The following ATR variants were observed in gnomAD, a reference collection of about 807,000 sequenced individuals.
The protein encoded by ATR is serine/threonine-protein kinase ATR.
ATR carries 142 observed loss-of-function variants against 305.3 expected under a neutral mutation model. The ratio of observed to expected loss-of-function variants is 0.47; its 90% confidence interval spans 0.41 to 0.53. The LOEUF (loss-of-function observed/expected upper bound fraction) is 0.53. Ranked by LOEUF, ATR falls within the 20% of genes least tolerant of loss-of-function variation. ATR has a pLI of 0.00. For missense variants in ATR, 2,135 were observed against 3,133.1 expected (o/e 0.68, Z 7.60); for synonymous variants, 1,050 against 1,068.1 (o/e 0.98, Z 0.33).
rs1317996314 is a variant in ATR at position 142,561,303 on chromosome 3, T to G, written c.1289A>C (p.Lys430Thr). 1.7e-5 allele frequency: 27 copies of G among 1,614,018 alleles called. No homozygotes were observed. Among genetic ancestry groups the G allele is most frequent in the Non-Finnish European group, 2.3e-5 (27 of 1,180,002 alleles). ...TAGAGACGAGCTGAGACGACGCCTT[T>G]TGGGTGATATTCCATCACTATTACT... ...LSSNSDGISPKRRRLSSSLNP... is the reference protein window; with the variant it reads ...LSSNSDGISPTRRRLSSSLNP... The change falls in exon 5 of 47, where the codon AAA (lysine) becomes ACA (threonine). Residue 430 changes from lysine (K) to threonine (T), a missense_variant. Transcript: ENST00000350721.
At chr3:142,538,336 A>G (rs907428914) in intron 19 of ATR, 146 bp downstream of exon 19, 24 of 830,786 alleles carry the variant, frequency 2.9e-5, no homozygotes, top group Non-Finnish European at 3.7e-5. Flanking sequence ...TCATTTCAAT[A>G]TGTAATTACA....
chr3:142,516,954 T>C (rs1465408968), intron 24 of ATR, among the ~76,000 whole-genome samples: 1 of 148,686 alleles, frequency 6.7e-6, no homozygotes, highest in African/African-American at 2.5e-5. Context: ...AAATAACAAA[T>C]GCCCTATACC....
Position 142,562,455 on chromosome 3 carries a change from A to T in ATR, c.947T>A (p.Val316Asp), listed in dbSNP as rs767624688. The change falls in exon 4 of 47, where the codon GTC (valine) becomes GAC (aspartate). Residue 316 changes from valine (V) to aspartate (D), a missense_variant. Coordinates refer to ENST00000350721, the MANE Select transcript of ATR (RefSeq NM_001184.4). ...TTTTTCCAGCAGCATATTTAAATAG[A>T]CAGGTTCAATATTTCTATAAGCTTC... The part of the protein sequence containing the change: ...EAEAYRNIEP[V>D]YLNMLLEKLC... 1 of 1,614,134 alleles carries T rather than the reference A, an allele frequency of 6.2e-7. No homozygotes were observed. The highest frequency in any genetic ancestry group is 1.7e-5 in the Admixed American group (1 of 60,032).
chr3:142,538,375 C>T (rs973837467), intron 19 of ATR, 107 bp downstream of exon 19: 3 of 1,245,528 alleles, frequency 2.4e-6, no homozygotes, highest in Non-Finnish European at 3.4e-6. Flanking sequence ...ATTGATAAAC[C>T]CTGAAATTCA....
chr3:142,519,818 AG>A, intron 23 of ATR, 34 bp from the exon 24 acceptor site: 1 of 1,425,318 alleles, frequency 7.0e-7, no homozygotes, highest in Non-Finnish European at 9.9e-7. Flanking sequence ...GTAAGTCCAC[AG>A]TGAAGCAGAT....
In ATR at chr3:142,472,819, TG is replaced by T; in HGVS notation, c.6222-2637del. 4.6e-5 allele frequency among the ~76,000 whole-genome samples: 7 copies of T among 152,062 alleles called. 1 individual carries two copies. In the South Asian group the frequency reaches 1.5e-3, roughly 32 times the overall value. Reference sequence around the variant, plus strand: ...CGCCCGAATAATTTTTGTATTTTTTTGTAGAGATGGGGGTTTCACCATGTTG... The same window carrying T: ...CGCCCGAATAATTTTTGTATTTTTTTTAGAGATGGGGGTTTCACCATGTTG... On this transcript the variant is annotated intron_variant, in intron 36 of 46. Coordinates refer to ENST00000350721, the MANE Select transcript of ATR (RefSeq NM_001184.4).
intron 15 of ATR, among the ~76,000 whole-genome samples, chr3:142,549,012 T>C (rs971891260): frequency 1.3e-5 from 2 of 152,094 alleles, no homozygotes; most frequent in African/African-American, 4.8e-5. Context: ...CTCAGAGATA[T>C]TTTGTTAATA....
At chr3:142,529,309 C>T (rs2033546007) in intron 21 of ATR, among the ~76,000 whole-genome samples, 1 of 151,912 alleles carries the variant, frequency 6.6e-6, no homozygotes, top group South Asian at 2.1e-4. Context: ...CTTTCTATAA[C>T]TAGTTTGCCG....
At chr3:142,500,715 T>C (rs2031913746) in intron 30 of ATR, among the ~76,000 whole-genome samples, 1 of 152,198 alleles carries the variant, frequency 6.6e-6, no homozygotes, top group Admixed American at 6.5e-5. Flanking sequence ...TTCCAATTTC[T>C]AAATTTATGA....
At position 142,556,456 on chromosome 3, in the gene ATR, C is replaced by T. The variant is rs2108472986; in HGVS notation, c.2005G>A (p.Ala669Thr). ...ATAAAAAATCCACTAACACAACTAG[C>T]CCGGATTACTTCATGGGAGCTCTGC... is the stretch of plus-strand genomic sequence containing the variant. The part of the protein sequence containing the change: ...ALQSSHEVIR[A>T]SCVSGFFILL... Residue 669 changes from alanine (A) to threonine (T), a missense_variant, in exon 9 of 47, where the codon GCT (alanine) becomes ACT (threonine). By Grantham distance (58) the Ala-to-Thr change is moderately conservative. Transcript: ENST00000350721. 6.2e-7 allele frequency: 1 copy of T among 1,614,086 alleles called. No homozygotes were observed. The highest frequency in any genetic ancestry group is 8.5e-7 in the Non-Finnish European group (1 of 1,179,986).
intron 16 of ATR, among the ~76,000 whole-genome samples, chr3:142,545,016 C>A (rs13067795): frequency 0.65 from 98,175 of 152,052 alleles, 32,988 homozygotes; most frequent in African/African-American, 0.85. Flanking sequence ...CACACAATCT[C>A]TGTCAACATT....
At chr3:142,513,759 A>G (rs113042785) in intron 25 of ATR, 121 bp from the exon 26 acceptor site, 2 of 1,122,030 alleles carry the variant, frequency 1.8e-6, no homozygotes, top group South Asian at 3.6e-5. Flanking sequence ...AAAGTTTTTT[A>G]ATTAATTTTT....
At chr3:142,524,303 T>G (rs869312483) in intron 21 of ATR, 104 bp from the exon 22 acceptor site, 1 of 1,148,362 alleles carries the variant, frequency 8.7e-7, no homozygotes, top group African/African-American at 1.6e-5. Flanking sequence ...AACATAAATA[T>G]TGACAAAATT....
Position 142,568,091 on chromosome 3 carries a change from A to T in ATR, c.123T>A (p.Ile41=). 1 of 1,612,074 alleles carries T rather than the reference A, an allele frequency of 6.2e-7. No homozygotes were observed. Among genetic ancestry groups the T allele is most frequent in the Non-Finnish European group, 8.5e-7 (1 of 1,178,636 alleles). ...CATTTACATCTGTAAGTATCCGGTC[A>T]ATGAATTGACACAGAATTTGTCTTG... ...QKPRQILCQF[I]DRILTDVNVV... is the part of the protein sequence containing the mutation. The change falls in exon 2 of 47, where the codon ATT becomes ATA. Residue 41 remains isoleucine (I), a synonymous_variant. Coordinates refer to ENST00000350721, the MANE Select transcript of ATR (RefSeq NM_001184.4).
chr3:142,516,009 C>A (rs950053466), intron 24 of ATR, among the ~76,000 whole-genome samples: 49 of 152,164 alleles, frequency 3.2e-4, no homozygotes, highest in African/African-American at 1.1e-3. Context: ...ATTATCAGGG[C>A]TCCCATGCTA....
intron 6 of ATR, 53 bp from the exon 7 acceptor site, chr3:142,559,494 T>C: frequency 1.3e-6 from 2 of 1,549,324 alleles, no homozygotes; most frequent in Non-Finnish European, 1.8e-6. Flanking sequence ...AATTTTGTTA[T>C]AGTCAAACAT....
intron 26 of ATR, 147 bp downstream of exon 26, chr3:142,513,354 C>A (rs1381933380): frequency 1.1e-6 from 1 of 935,836 alleles, no homozygotes; most frequent in African/African-American, 1.6e-5. Context: ...GGGATACACA[C>A]ACCAAACAGG....
intron 2 of ATR, among the ~76,000 whole-genome samples, chr3:142,567,438 G>C (rs1560003628): frequency 6.6e-6 from 1 of 152,138 alleles, no homozygotes; most frequent in Admixed American, 6.5e-5. Context: ...GATTGAAAAA[G>C]AAAGGATTAA....
chr3:142,530,617 A>T (rs1306737111), intron 21 of ATR, among the ~76,000 whole-genome samples: 1 of 152,098 alleles, frequency 6.6e-6, no homozygotes, highest in Admixed American at 6.6e-5. Flanking sequence ...TTTCTTCATG[A>T]ATAGCTTTTT....
Sources: gnomAD v4.1 joint callset for allele counts (sites outside exome capture counted in the v4.1 genomes callset) on GRCh38, gnomAD v4.1.1 for gene constraint, MANE v1.5 for transcripts, NCBI Gene and HGNC (gene_info 2026-07-23, HGNC 2026-07-21) for gene names.